The following DZIP3 variants were observed in gnomAD, a reference collection of about 807,000 sequenced individuals.
The protein encoded by DZIP3 is E3 ubiquitin-protein ligase DZIP3.
DZIP3 carries 118 observed loss-of-function variants against 162.0 expected under a neutral mutation model. That is an observed-to-expected ratio of 0.73 (90% confidence interval 0.63 to 0.85). The LOEUF is 0.85. Among genes scored for constraint, DZIP3 ranks in the 40% least tolerant of loss-of-function variants. DZIP3 has a pLI of 0.00. For missense variants in DZIP3, 1,331 were observed against 1,407.0 expected (o/e 0.95, Z 0.86); for synonymous variants, 438 against 458.6 (o/e 0.96, Z 0.57).
chr3:108,658,054 C>T (rs1383289813), intron 19 of DZIP3, among the ~76,000 whole-genome samples: 2 of 127,242 alleles, frequency 1.6e-5, no homozygotes, highest in South Asian at 4.5e-4. Flanking sequence ...GACTTTAACA[C>T]CCCACTGTCA....
intron 19 of DZIP3, 48 bp from the exon 20 acceptor site, chr3:108,661,829 A>G (rs193083214): frequency 6.8e-7 from 1 of 1,476,132 alleles, no homozygotes; most frequent in South Asian, 1.2e-5. Flanking sequence ...AATAACTAAA[A>G]TTTTTTTTTG....
intron 19 of DZIP3, among the ~76,000 whole-genome samples, chr3:108,657,459 A>G (rs1943186393): frequency 6.6e-6 from 1 of 152,234 alleles, no homozygotes; most frequent in Admixed American, 6.5e-5. Flanking sequence ...TGTCACCACC[A>G]GGCCTGCCCT....
chr3:108,613,556 C>T (rs1940838933), intron 4 of DZIP3, among the ~76,000 whole-genome samples: 1 of 152,086 alleles, frequency 6.6e-6, no homozygotes, highest in African/African-American at 2.4e-5. Context: ...ACAAATCAAT[C>T]CCAGTGGGAT....
Position 108,688,551 on chromosome 3 carries a change from A to G in DZIP3, c.3271-42A>G, listed in dbSNP as rs774258092. 1.4e-5 allele frequency: 22 copies of G among 1,588,428 alleles called. No homozygotes were observed. The East Asian group carries it at 4.9e-4, about 35-fold the overall frequency. On this transcript the variant is annotated intron_variant, in intron 29 of 32. Transcript: ENST00000361582. ...CTAATGTTTCAGCTCTTACTGTTTT[A>G]GGATAATTCTGAAAAAATAAACATT...
rs902843852 is a variant in DZIP3 at position 108,629,054 on chromosome 3, C to A, written c.582-8C>A. On this transcript the variant is annotated splice_region_variant and splice_polypyrimidine_tract_variant and intron_variant, in intron 7 of 32. Transcript: ENST00000361582. ...TTCAAACTAACCTTATTTTAAAATG[C>A]CTTTCAGATATAATGGAGGACTGCT... 3.9e-6 allele frequency: 6 copies of A among 1,539,004 alleles called. No homozygotes were observed. Among genetic ancestry groups the A allele is most frequent in the Non-Finnish European group, 5.3e-6 (6 of 1,134,442 alleles).
chr3:108,632,909 A>G, intron 8 of DZIP3, 44 bp from the exon 9 acceptor site: 1 of 1,155,990 alleles, frequency 8.7e-7, no homozygotes. Flanking sequence ...GTGTTAATTT[A>G]TTATTAGTAA....
chr3:108,651,808 G>C (rs543143864), intron 18 of DZIP3, among the ~76,000 whole-genome samples: 3 of 151,898 alleles, frequency 2.0e-5, no homozygotes, highest in Admixed American at 1.3e-4. Flanking sequence ...CTAATGAAGA[G>C]ATCATTATTC....
At chr3:108,658,571 A>G (rs1185267413) in intron 19 of DZIP3, among the ~76,000 whole-genome samples, 6 of 152,188 alleles carry the variant, frequency 3.9e-5, no homozygotes, top group Admixed American at 6.5e-5. Flanking sequence ...TAACATCACA[A>G]TTAAAAGAAC....
At chr3:108,663,556 CAAAA>C (rs200932139) in intron 21 of DZIP3, among the ~76,000 whole-genome samples, 3 of 104,660 alleles carry the variant, frequency 2.9e-5, no homozygotes, top group African/African-American at 3.6e-5. Context: ...AAGTCTGTCT[CAAAA>C]AAAAAAAAAA....
rs1366800219 is a variant in DZIP3 at position 108,589,823 on chromosome 3, C to T, written c.-89C>T. 1 of 156,494 alleles carries T rather than the reference C, an allele frequency of 6.4e-6. No individual in the cohort carries two copies. Among genetic ancestry groups the T allele is most frequent in the African/African-American group, 2.4e-5 (1 of 41,480 alleles). 9.7% of individuals were successfully genotyped at this position (156,494 alleles called of 1,614,324 possible). A position where few individuals can be genotyped will look rare whatever the true frequency, so the allele number is the denominator to read the frequency against. ...CCTCTACCTGAGAAATGGTCGCTTG[C>T]CCCTAGTCTAGACACGGTGAGGAGC... On this transcript the variant is annotated 5_prime_UTR_variant, in exon 1 of 33. Transcript: ENST00000361582.
At chr3:108,608,264 T>G (rs903217603) in intron 3 of DZIP3, 106 bp downstream of exon 3, 1 of 843,294 alleles carries the variant, frequency 1.2e-6, no homozygotes, top group African/African-American at 1.7e-5. Flanking sequence ...TAAAATTTTT[T>G]GAGTGAGCCT....
chr3:108,653,165 A>G (rs191654629), intron 18 of DZIP3, among the ~76,000 whole-genome samples: 32 of 152,064 alleles, frequency 2.1e-4, no homozygotes, highest in African/African-American at 7.5e-4. Context: ...AATTGATTTC[A>G]TCGAACTTTT....
intron 22 of DZIP3, among the ~76,000 whole-genome samples, chr3:108,670,606 G>A (rs1217916129): frequency 6.6e-6 from 1 of 151,774 alleles, no homozygotes; most frequent in Non-Finnish European, 1.5e-5. Flanking sequence ...ATACAGATTT[G>A]TGGACATGTT....
intron 26 of DZIP3, among the ~76,000 whole-genome samples, chr3:108,681,465 C>G (rs149753895): frequency 0.21 from 31,178 of 152,036 alleles, 3,797 homozygotes; most frequent in East Asian, 0.45. Context: ...AATAGGAACA[C>G]TTTTACACTG....
At chr3:108,666,204 A>C (rs777966033) in intron 21 of DZIP3, among the ~76,000 whole-genome samples, 2 of 152,168 alleles carry the variant, frequency 1.3e-5, no homozygotes, top group Non-Finnish European at 2.9e-5. Context: ...CTAAATGAGA[A>C]TAAAGCTAGG....
intron 8 of DZIP3, among the ~76,000 whole-genome samples, chr3:108,632,460 T>C (rs977075388): frequency 6.6e-6 from 1 of 152,184 alleles, no homozygotes; most frequent in Non-Finnish European, 1.5e-5. Context: ...CTAAAGACAT[T>C]GAAAACATAT....
At chr3:108,647,143 G>A (rs144547178) in intron 15 of DZIP3, among the ~76,000 whole-genome samples, 83 of 152,292 alleles carry the variant, frequency 5.5e-4, no homozygotes, top group African/African-American at 1.9e-3. Context: ...GTGCTTCAGG[G>A]TTTTCCCAAG....
intron 26 of DZIP3, among the ~76,000 whole-genome samples, chr3:108,683,566 C>A (rs1470889858): frequency 1.3e-5 from 2 of 152,168 alleles, no homozygotes; most frequent in African/African-American, 4.8e-5. Context: ...AGCAAGGTAT[C>A]TTTTCCACAG....
At chr3:108,641,050 T>C (rs1450669372) in intron 12 of DZIP3, among the ~76,000 whole-genome samples, 1 of 152,080 alleles carries the variant, frequency 6.6e-6, no homozygotes, top group Non-Finnish European at 1.5e-5. Context: ...TCTTTATTGT[T>C]TATTTTCTGG....
Sources: gnomAD v4.1 joint callset for allele counts (sites outside exome capture counted in the v4.1 genomes callset) on GRCh38, gnomAD v4.1.1 for gene constraint, MANE v1.5 for transcripts, NCBI Gene and HGNC (gene_info 2026-07-23, HGNC 2026-07-21) for gene names.